Variants in RBFOX1 observed in about 807,000 individuals in gnomAD.
RBFOX1 encodes RNA binding protein fox-1 homolog 1.
A neutral mutation model predicts 57.7 loss-of-function variants in RBFOX1; 8 were observed. The ratio of observed to expected loss-of-function variants is 0.14; its 90% CI spans 0.08 to 0.25. The LOEUF is 0.25. RBFOX1 is among the 10% of genes least tolerant of loss of function. The probability of loss-of-function intolerance (pLI) is 1.00; values close to 1 mark genes in which losing one functional copy is unlikely to be tolerated. For synonymous variants in RBFOX1, 326 were observed against 222.4 expected, an observed-to-expected ratio of 1.47 and a Z score of -4.15; for missense variants, 611 against 548.5, an observed-to-expected ratio of 1.11 and a Z score of -1.14.
chr16:7,501,318 T>C (rs746275593), intron 4 of RBFOX1, among the ~76,000 whole-genome samples: 10 of 152,260 alleles, frequency 6.6e-5, no homozygotes, highest in Non-Finnish European at 1.5e-4. Flanking sequence ...GCTCTCTCTC[T>C]GTTCTTACCC....
chr16:6,245,985 C>G (rs976353627), intron 1 of RBFOX1, among the ~76,000 whole-genome samples: 3 of 152,086 alleles, frequency 2.0e-5, no homozygotes, highest in African/African-American at 7.2e-5. Context: ...TCTCTTTTTT[C>G]TAAATGCTCT....
intron 2 of RBFOX1, among the ~76,000 whole-genome samples, chr16:5,469,955 A>T (rs2069079035): frequency 6.6e-6 from 1 of 152,030 alleles, no homozygotes; most frequent in Admixed American, 6.6e-5. Flanking sequence ...GTGCCACCAT[A>T]AACATTTGTG....
At chr16:6,836,496 A>T (rs569697357) in intron 3 of RBFOX1, among the ~76,000 whole-genome samples, 2 of 152,178 alleles carry the variant, frequency 1.3e-5, no homozygotes, top group Non-Finnish European at 2.9e-5. Context: ...TATCACTTCA[A>T]ACCTTCCTTC....
chr16:6,046,752 T>G (rs2095500073), intron 1 of RBFOX1, among the ~76,000 whole-genome samples: 1 of 152,166 alleles, frequency 6.6e-6, no homozygotes, highest in Non-Finnish European at 1.5e-5. Context: ...TATGTAAACT[T>G]TCAGTAAACA....
At chr16:6,851,107 C>A (rs1372672698) in intron 3 of RBFOX1, among the ~76,000 whole-genome samples, 1 of 152,094 alleles carries the variant, frequency 6.6e-6, no homozygotes, top group Non-Finnish European at 1.5e-5. Flanking sequence ...GAGTTTCACT[C>A]CCTTGTGGTG....
chr16:6,801,493 G>T (rs1268734083), intron 3 of RBFOX1, among the ~76,000 whole-genome samples: 1 of 152,124 alleles, frequency 6.6e-6, no homozygotes, highest in Non-Finnish European at 1.5e-5. Flanking sequence ...AGTTTATAGT[G>T]ACTCAATAAA....
At chr16:5,494,485 G>C (rs1192579202) in intron 2 of RBFOX1, among the ~76,000 whole-genome samples, 1 of 152,228 alleles carries the variant, frequency 6.6e-6, no homozygotes, top group Non-Finnish European at 1.5e-5. Context: ...TCTTGGGTCT[G>C]TGTCTGAGCC....
intron 1 of RBFOX1, among the ~76,000 whole-genome samples, chr16:5,260,461 C>G (rs2062706414): frequency 6.6e-6 from 1 of 152,066 alleles, no homozygotes; most frequent in African/African-American, 2.4e-5. Flanking sequence ...GTAAATTTAT[C>G]AGAAGAAAAA....
At chr16:6,136,118 C>G (rs1234900357) in intron 1 of RBFOX1, among the ~76,000 whole-genome samples, 1 of 152,042 alleles carries the variant, frequency 6.6e-6, no homozygotes, top group Non-Finnish European at 1.5e-5. Flanking sequence ...TTGCCATTGA[C>G]TTTAGGTACT....
At chr16:7,000,203 C>G (rs2092661829) in intron 3 of RBFOX1, among the ~76,000 whole-genome samples, 1 of 151,808 alleles carries the variant, frequency 6.6e-6, no homozygotes, top group African/African-American at 2.4e-5. Flanking sequence ...GTTATTATGC[C>G]TTGAAAGTAG....
chr16:5,248,126 G>A (rs2062349521), intron 1 of RBFOX1, among the ~76,000 whole-genome samples: 1 of 152,226 alleles, frequency 6.6e-6, no homozygotes. Flanking sequence ...GGCTGTCTTG[G>A]CGCTGCCACT....
intron 3 of RBFOX1, among the ~76,000 whole-genome samples, chr16:6,691,903 T>G (rs1224555498): frequency 6.6e-6 from 1 of 152,170 alleles, no homozygotes; most frequent in African/African-American, 2.4e-5. Context: ...GATGCTACTT[T>G]TCTGGTTTTG....
At chr16:7,434,261 G>C (rs527865860) in intron 4 of RBFOX1, among the ~76,000 whole-genome samples, 2 of 152,158 alleles carry the variant, frequency 1.3e-5, no homozygotes, top group Non-Finnish European at 2.9e-5. Context: ...CACGACTTCA[G>C]AAGATCGAGA....
intron 3 of RBFOX1, among the ~76,000 whole-genome samples, chr16:5,677,046 C>T (rs1473697429): frequency 2.0e-5 from 3 of 152,148 alleles, no homozygotes; most frequent in African/African-American, 4.8e-5. Flanking sequence ...CAACTAAAAC[C>T]GGTCTCCAAT....
At chr16:5,494,428 A>G (rs1160841941) in intron 2 of RBFOX1, among the ~76,000 whole-genome samples, 2 of 152,204 alleles carry the variant, frequency 1.3e-5, no homozygotes, top group African/African-American at 2.4e-5. Context: ...TCTTTTGCAC[A>G]TGCCTGGAAT....
chr16:5,583,685 C>G (rs566534967), intron 2 of RBFOX1, among the ~76,000 whole-genome samples: 1 of 152,042 alleles, frequency 6.6e-6, no homozygotes, highest in Non-Finnish European at 1.5e-5. Context: ...AAAGTGGGGT[C>G]GATAAGAGCT....
chr16:6,832,673 T>C (rs2092792753), intron 3 of RBFOX1, among the ~76,000 whole-genome samples: 1 of 152,160 alleles, frequency 6.6e-6, no homozygotes. Flanking sequence ...AGTAATTACT[T>C]TACCCACTCA....
At chr16:7,100,993 G>C (rs944173371) in intron 4 of RBFOX1, among the ~76,000 whole-genome samples, 6 of 152,244 alleles carry the variant, frequency 3.9e-5, no homozygotes, top group Non-Finnish European at 5.9e-5. Context: ...GAAACACTCA[G>C]AGATATAGTG....
intron 3 of RBFOX1, among the ~76,000 whole-genome samples, chr16:6,936,478 C>G (rs1374144194): frequency 1.3e-5 from 2 of 152,140 alleles, no homozygotes; most frequent in Non-Finnish European, 2.9e-5. Flanking sequence ...CTTCCTTCAT[C>G]CAACATTGAG....
Sources: gnomAD v4.1 joint callset for allele counts (sites outside exome capture counted in the v4.1 genomes callset) on GRCh38, gnomAD v4.1.1 for gene constraint, MANE v1.5 for transcripts, NCBI Gene and HGNC (gene_info 2026-07-23, HGNC 2026-07-21) for gene names.